Variants in PDLIM5 observed in about 807,000 individuals in gnomAD.
The protein encoded by PDLIM5 is PDZ and LIM domain 5.
PDLIM5 carries 34 observed loss-of-function variants against 64.2 expected under a neutral mutation model. The ratio of observed to expected loss-of-function variants is 0.53; its 90% CI spans 0.40 to 0.71. The LOEUF (loss-of-function observed/expected upper bound fraction) is 0.71. Among genes scored for constraint, PDLIM5 ranks in the 30% least tolerant of loss-of-function variants. PDLIM5 has a pLI of 0.00. For synonymous variants in PDLIM5, 253 were observed against 269.1 expected (o/e 0.94, Z 0.59); for missense variants, 683 against 733.6 (o/e 0.93, Z 0.80).
intron 4 of PDLIM5, 142 bp downstream of exon 4, chr4:94,573,535 G>T (rs1433030058): frequency 1.3e-6 from 1 of 780,550 alleles, no homozygotes; most frequent in African/African-American, 1.7e-5. Context: ...TTTTCCTTCA[G>T]AGATGAGTAG....
At chr4:94,481,277 A>T (rs1725820640) in intron 2 of PDLIM5, among the ~76,000 whole-genome samples, 2 of 150,226 alleles carry the variant, frequency 1.3e-5, no homozygotes, top group African/African-American at 2.5e-5. Flanking sequence ...ATGCTGATAA[A>T]GACAGCTTAT....
chr4:94,484,513 ATAACT>A (rs146255022), intron 2 of PDLIM5, among the ~76,000 whole-genome samples: 10 of 152,326 alleles, frequency 6.6e-5, no homozygotes, highest in African/African-American at 2.2e-4. Context: ...TATACTGAAA[ATAACT>A]TAAGAAAACT....
chr4:94,475,142 C>G (rs1026753844), intron 2 of PDLIM5, among the ~76,000 whole-genome samples: 3 of 151,484 alleles, frequency 2.0e-5, no homozygotes, highest in Non-Finnish European at 4.4e-5. Context: ...TGCCCTCCCC[C>G]GCCTTTTTTT....
chr4:94,492,499 C>T (rs1181274650), intron 2 of PDLIM5, among the ~76,000 whole-genome samples: 1 of 152,104 alleles, frequency 6.6e-6, no homozygotes, highest in Non-Finnish European at 1.5e-5. Context: ...AATTACAAAA[C>T]ATTTTCATTA....
intron 7 of PDLIM5, among the ~76,000 whole-genome samples, chr4:94,606,521 G>A (rs1300452785): frequency 6.6e-6 from 1 of 152,210 alleles, no homozygotes; most frequent in Non-Finnish European, 1.5e-5. Flanking sequence ...TTCAAAAAGA[G>A]ATGGAAGGCC....
intron 2 of PDLIM5, among the ~76,000 whole-genome samples, chr4:94,494,641 T>C (rs1358678528): frequency 6.7e-6 from 1 of 150,312 alleles, no homozygotes; most frequent in Non-Finnish European, 1.5e-5. Context: ...GGTTTTACCA[T>C]GTTGGCTAGG....
intron 2 of PDLIM5, among the ~76,000 whole-genome samples, chr4:94,520,777 A>G (rs1729763315): frequency 6.6e-6 from 1 of 152,202 alleles, no homozygotes; most frequent in Admixed American, 6.5e-5. Context: ...AATAATGAAA[A>G]TGGTTAGAGA....
intron 8 of PDLIM5, among the ~76,000 whole-genome samples, chr4:94,637,536 G>T (rs919334163): frequency 6.6e-6 from 1 of 152,188 alleles, no homozygotes; most frequent in Non-Finnish European, 1.5e-5. Flanking sequence ...TCCAGCCTGG[G>T]CGACAGGGCG....
intron 2 of PDLIM5, among the ~76,000 whole-genome samples, chr4:94,514,777 G>A (rs1729220103): frequency 1.3e-5 from 2 of 152,138 alleles, no homozygotes; most frequent in Admixed American, 1.3e-4. Context: ...AGTTATATGT[G>A]TCTAGGAATT....
At chr4:94,563,392 A>G (rs1048147589) in intron 3 of PDLIM5, among the ~76,000 whole-genome samples, 2 of 152,212 alleles carry the variant, frequency 1.3e-5, no homozygotes, top group East Asian at 3.8e-4. Context: ...ATTCTTATGA[A>G]TAACTCCAGA....
intron 2 of PDLIM5, among the ~76,000 whole-genome samples, chr4:94,471,314 GTC>G (rs947647742): frequency 1.3e-5 from 2 of 151,656 alleles, no homozygotes; most frequent in African/African-American, 4.9e-5. Context: ...ACACCATAAA[GTC>G]TACTTGAGAG....
At chr4:94,483,125 G>A (rs1726017727) in intron 2 of PDLIM5, among the ~76,000 whole-genome samples, 1 of 152,120 alleles carries the variant, frequency 6.6e-6, no homozygotes, top group Non-Finnish European at 1.5e-5. Context: ...AAGTTGAGTT[G>A]TGTGGGAGGG....
chr4:94,523,730 G>A lies in PDLIM5; in HGVS notation c.103G>A (p.Asp35Asn), dbSNP rs761258621. The change falls in exon 3 of 13, where the codon GAT (aspartate) becomes AAT (asparagine). Residue 35 changes from aspartate (D) to asparagine (N), a missense_variant. Physicochemically the swap from Asp to Asn is conservative, Grantham distance 23. Transcript: ENST00000317968. Reference sequence around the variant, plus strand: ...TGAAATATATTTATTACAGCTAAAAGATGGCGGCAAGGCAGCCCAGGCAAA... The same window carrying A: ...TGAAATATATTTATTACAGCTAAAAAATGGCGGCAAGGCAGCCCAGGCAAA... Reference protein sequence around the residue: ...NMPLTISSLKDGGKAAQANVR... With the variant: ...NMPLTISSLKNGGKAAQANVR... 2.7e-5 allele frequency: 43 copies of A among 1,611,346 alleles called. No homozygotes were observed. The Admixed American group carries it at 6.8e-4, about 26-fold the overall frequency.
At chr4:94,488,688 A>C (rs569548426) in intron 2 of PDLIM5, among the ~76,000 whole-genome samples, 25 of 152,220 alleles carry the variant, frequency 1.6e-4, no homozygotes, top group Non-Finnish European at 3.5e-4. Flanking sequence ...AAAATAGAAC[A>C]CTTACACATT....
At chr4:94,525,660 A>C (rs1435379585) in intron 3 of PDLIM5, among the ~76,000 whole-genome samples, 2 of 152,188 alleles carry the variant, frequency 1.3e-5, no homozygotes, top group Non-Finnish European at 2.9e-5. Flanking sequence ...TGAATAGGAA[A>C]TTGTTTTTGC....
chr4:94,627,384 T>C (rs1739784180), intron 8 of PDLIM5, among the ~76,000 whole-genome samples: 1 of 152,242 alleles, frequency 6.6e-6, no homozygotes, highest in Non-Finnish European at 1.5e-5. Flanking sequence ...ATGCAAGGCT[T>C]CATCTGTGAA....
chr4:94,556,938 T>A (rs183425076), intron 3 of PDLIM5, among the ~76,000 whole-genome samples: 1 of 152,226 alleles, frequency 6.6e-6, no homozygotes, highest in Non-Finnish European at 1.5e-5. Context: ...TTTTGGCTTT[T>A]GTTGCCATTG....
At chr4:94,597,791 A>AT (rs1560730565) in intron 7 of PDLIM5, among the ~76,000 whole-genome samples, 1 of 152,154 alleles carries the variant, frequency 6.6e-6, no homozygotes, top group Non-Finnish European at 1.5e-5. Flanking sequence ...AGGAAAAAAA[A>AT]GTTAACTTCT....
chr4:94,466,000 G>A (rs1283305316), intron 2 of PDLIM5, among the ~76,000 whole-genome samples: 1 of 151,570 alleles, frequency 6.6e-6, no homozygotes, highest in East Asian at 1.9e-4. Context: ...CTTGCTCTGT[G>A]GCATGGGCTG....
Sources: gnomAD v4.1 joint callset for allele counts (sites outside exome capture counted in the v4.1 genomes callset) on GRCh38, gnomAD v4.1.1 for gene constraint, MANE v1.5 for transcripts, NCBI Gene and HGNC (gene_info 2026-07-23, HGNC 2026-07-21) for gene names.